The following PTPRD variants were observed in gnomAD, a reference collection of about 807,000 sequenced individuals.
PTPRD encodes the protein receptor-type tyrosine-protein phosphatase delta.
Under a neutral mutation model 214.5 loss-of-function variants are expected in PTPRD, and 34 were observed. The observed-to-expected ratio is 0.16, with a 90% CI of 0.12 to 0.21. The LOEUF (loss-of-function observed/expected upper bound fraction) is 0.21, where lower values mean the gene tolerates loss of function less well. Ranked by LOEUF, PTPRD falls within the 10% of genes least tolerant of loss-of-function variation. PTPRD has a pLI of 1.00. For missense variants in PTPRD, 2,545 were observed against 2,398.7 expected (o/e 1.06, Z -1.27); for synonymous variants, 1,128 against 845.7 (o/e 1.33, Z -5.79).
At chr9:9,778,823 C>T (rs2098820005) in intron 5 of PTPRD, among the ~76,000 whole-genome samples, 1 of 151,872 alleles carries the variant, frequency 6.6e-6, no homozygotes, top group African/African-American at 2.4e-5. Flanking sequence ...TCCTACAAAA[C>T]AACCAAAGTC....
intron 2 of PTPRD, among the ~76,000 whole-genome samples, chr9:10,603,253 T>G (rs1567165218): frequency 6.6e-6 from 1 of 151,850 alleles, no homozygotes; most frequent in Non-Finnish European, 1.5e-5. Flanking sequence ...GAAGCATTTG[T>G]GCCACGCTTA....
intron 3 of PTPRD, among the ~76,000 whole-genome samples, chr9:10,169,648 T>C (rs2099188063): frequency 6.6e-6 from 1 of 152,150 alleles, no homozygotes; most frequent in Non-Finnish European, 1.5e-5. Flanking sequence ...AAGGAAATTC[T>C]AATCTTGAGT....
intron 14 of PTPRD, among the ~76,000 whole-genome samples, chr9:8,569,252 G>C (rs951212299): frequency 1.3e-5 from 2 of 152,150 alleles, no homozygotes; most frequent in African/African-American, 4.8e-5. Flanking sequence ...GGTTATGCTA[G>C]TGGTTACAGA....
chr9:10,200,718 G>A (rs2154332956), intron 3 of PTPRD, among the ~76,000 whole-genome samples: 1 of 152,060 alleles, frequency 6.6e-6, no homozygotes, highest in East Asian at 1.9e-4. Flanking sequence ...CAGAGGAAGG[G>A]GATGAAAAAC....
chr9:8,915,520 C>T (rs901091549), intron 11 of PTPRD, among the ~76,000 whole-genome samples: 4 of 151,960 alleles, frequency 2.6e-5, no homozygotes, highest in African/African-American at 4.8e-5. Context: ...TGTATATATA[C>T]AAACATATTT....
intron 10 of PTPRD, among the ~76,000 whole-genome samples, chr9:9,128,016 G>C (rs1041434477): frequency 1.3e-5 from 2 of 151,908 alleles, no homozygotes; most frequent in African/African-American, 4.8e-5. Context: ...ATTTTATTTA[G>C]GCTCTAAAAT....
At chr9:8,958,742 C>G (rs1280159013) in intron 11 of PTPRD, 1 of 152,136 alleles carries the variant, frequency 6.6e-6, no homozygotes, top group African/African-American at 2.4e-5. Flanking sequence ...GAGAAAGAGT[C>G]TCTCAGCATT....
At chr9:10,327,315 T>G (rs1200550187) in intron 3 of PTPRD, among the ~76,000 whole-genome samples, 2 of 151,350 alleles carry the variant, frequency 1.3e-5, no homozygotes, top group Non-Finnish European at 3.0e-5. Context: ...TGGCAGTTGA[T>G]TTATCTAATA....
At chr9:9,944,766 C>G (rs961497983) in intron 4 of PTPRD, among the ~76,000 whole-genome samples, 4 of 151,802 alleles carry the variant, frequency 2.6e-5, no homozygotes, top group Non-Finnish European at 5.9e-5. Context: ...AATGAGGAGA[C>G]ACATAATCTA....
At chr9:9,498,964 T>G (rs977014055) in intron 8 of PTPRD, among the ~76,000 whole-genome samples, 5 of 152,068 alleles carry the variant, frequency 3.3e-5, no homozygotes, top group Admixed American at 3.3e-4. Context: ...TCTCTCCCTC[T>G]CTCACTTGCT....
intron 44 of PTPRD, among the ~76,000 whole-genome samples, chr9:8,331,371 A>C (rs568774906): frequency 2.0e-5 from 3 of 151,192 alleles, no homozygotes; most frequent in Admixed American, 1.3e-4. Flanking sequence ...TTTTTGGGGG[A>C]TAAACATTTT....
intron 11 of PTPRD, among the ~76,000 whole-genome samples, chr9:8,807,419 T>A (rs1029531756): frequency 6.6e-6 from 1 of 152,086 alleles, no homozygotes; most frequent in Non-Finnish European, 1.5e-5. Flanking sequence ...TCCAGCTTAT[T>A]TGGAGATACA....
At chr9:10,442,448 G>A (rs1454504535) in intron 2 of PTPRD, among the ~76,000 whole-genome samples, 15 of 151,652 alleles carry the variant, frequency 9.9e-5, no homozygotes, top group East Asian at 5.8e-4. Context: ...AGTTTGATCC[G>A]ATATTGGTTT....
chr9:8,434,651 A>G (rs1008905015), intron 35 of PTPRD, among the ~76,000 whole-genome samples: 5 of 152,196 alleles, frequency 3.3e-5, no homozygotes, highest in African/African-American at 1.2e-4. Context: ...TAAATAATTA[A>G]AGCAGGGCTA....
chr9:8,854,967 CTCT>C (rs987276811), intron 11 of PTPRD, among the ~76,000 whole-genome samples: 4 of 152,134 alleles, frequency 2.6e-5, no homozygotes, highest in African/African-American at 9.7e-5. Context: ...AATACCTTTT[CTCT>C]TTTCTATTTT....
At chr9:9,670,929 C>T (rs540756004) in intron 7 of PTPRD, among the ~76,000 whole-genome samples, 199 of 152,148 alleles carry the variant, frequency 1.3e-3, no homozygotes, top group Non-Finnish European at 2.3e-3. Context: ...TGGAGATCCC[C>T]ACAGAGTCTC....
intron 3 of PTPRD, among the ~76,000 whole-genome samples, chr9:10,166,872 T>C (rs1258876348): frequency 6.6e-6 from 1 of 152,146 alleles, no homozygotes; most frequent in African/African-American, 2.4e-5. Flanking sequence ...TAATGCTAAT[T>C]TCTTTTATAT....
At chr9:10,001,103 T>C (rs2096299003) in intron 4 of PTPRD, among the ~76,000 whole-genome samples, 1 of 152,006 alleles carries the variant, frequency 6.6e-6, no homozygotes, top group Non-Finnish European at 1.5e-5. Context: ...ACTATTAAAT[T>C]CTCCACTCCT....
chr9:9,979,788 G>C (rs527733400), intron 4 of PTPRD, among the ~76,000 whole-genome samples: 91 of 152,278 alleles, frequency 6.0e-4, no homozygotes, highest in African/African-American at 1.9e-3. Flanking sequence ...GTATTAAAGA[G>C]TATAGAATGA....
Sources: gnomAD v4.1 joint callset for allele counts (sites outside exome capture counted in the v4.1 genomes callset) on GRCh38, gnomAD v4.1.1 for gene constraint, MANE v1.5 for transcripts, NCBI Gene and HGNC (gene_info 2026-07-23, HGNC 2026-07-21) for gene names.